Variants in KDM7A observed in about 807,000 individuals in gnomAD.
KDM7A encodes lysine-specific demethylase 7A.
Under a neutral mutation model 114.8 loss-of-function variants are expected in KDM7A, and 28 were observed. The ratio of observed to expected loss-of-function variants is 0.24; its 90% confidence interval spans 0.18 to 0.33. The LOEUF is 0.33. Ranked by LOEUF, KDM7A falls within the 10% of genes least tolerant of loss-of-function variation. The pLI is 1.00. For synonymous variants in KDM7A, 423 were observed against 397.8 expected (o/e 1.06, Z -0.75); for missense variants, 942 against 1,142.5 (o/e 0.82, Z 2.53).
chr7:140,147,379 A>AT (rs1288296449), intron 1 of KDM7A, among the ~76,000 whole-genome samples: 2 of 152,200 alleles, frequency 1.3e-5, no homozygotes, highest in East Asian at 1.9e-4. Flanking sequence ...TTTTTAAAGA[A>AT]TTTTCTTAAA....
chr7:140,164,860 G>A lies in KDM7A; in HGVS notation c.194+11884C>T, dbSNP rs73469868. Among the ~76,000 whole-genome samples the A allele has an allele frequency of 4.4e-3, 674 of 152,232 alleles. 5 individuals are homozygous for A. The highest frequency in any genetic ancestry group is 0.015 in the African/African-American group (619 of 41,526). On this transcript the variant is annotated intron_variant, in intron 1 of 19. Transcript: ENST00000397560. ...TCACTGAAGCAGGCTTATTGAACCT[G>A]GAAGCACAGGATACTATTCGGTCTA... is the stretch of plus-strand genomic sequence containing the variant.
intron 1 of KDM7A, among the ~76,000 whole-genome samples, chr7:140,155,406 A>G (rs983451053): frequency 6.6e-6 from 1 of 152,190 alleles, no homozygotes; most frequent in Non-Finnish European, 1.5e-5. Flanking sequence ...ATCTAGCACC[A>G]CAAGCACTCT....
intron 11 of KDM7A, among the ~76,000 whole-genome samples, chr7:140,105,338 G>A (rs748158113): frequency 1.2e-3 from 177 of 152,168 alleles, no homozygotes; most frequent in Non-Finnish European, 3.7e-4. Context: ...GAATAGGAGT[G>A]GTGAGAGAGG....
intron 11 of KDM7A, among the ~76,000 whole-genome samples, chr7:140,110,808 T>C (rs1818418163): frequency 6.6e-6 from 1 of 152,242 alleles, no homozygotes; most frequent in Non-Finnish European, 1.5e-5. Flanking sequence ...AAATTAACTG[T>C]ATCTGAAAGT....
rs1002097568 is a variant in KDM7A at position 140,086,629 on chromosome 7, C to G, written c.*4465G>C. On this transcript the variant is annotated 3_prime_UTR_variant, in exon 20 of 20. Coordinates refer to ENST00000397560, the MANE Select transcript of KDM7A (RefSeq NM_030647.2). ...ATTAATTCTTCCCCTTTCTTTCCAC[C>G]TGGTTTCAAGGAAGCACATGAACAT... 6.6e-6 allele frequency: 1 copy of G among 152,088 alleles called. No individual in the cohort carries two copies. The highest frequency in any genetic ancestry group is 2.4e-5 in the African/African-American group (1 of 41,414). The allele number at this position is 152,088 out of a possible 1,614,324, so 9.4% of individuals were successfully genotyped here. A position where few individuals can be genotyped will look rare whatever the true frequency, so the allele number is the denominator to read the frequency against.
chr7:140,101,501 G>A (rs1223045493), intron 12 of KDM7A, among the ~76,000 whole-genome samples: 2 of 152,110 alleles, frequency 1.3e-5, no homozygotes, highest in Non-Finnish European at 2.9e-5. Context: ...CTTAGCTAAA[G>A]CAGCCAGCTT....
At chr7:140,092,205 A>G (rs1167961211) in intron 18 of KDM7A, 128 bp from the exon 19 acceptor site, 7 of 856,772 alleles carry the variant, frequency 8.2e-6, no homozygotes, top group South Asian at 6.8e-5. Context: ...CTTAACATCT[A>G]TTAGCCACGG....
rs1818114403 is a variant in KDM7A at position 140,096,611 on chromosome 7, T to A, written c.2318A>T (p.His773Leu). ...RNSLQDPSSC[H>L]GSNHEVRQLY... ...CTGCCTAACCTCATGGTTACTGCCATGGCAGCTGCTGGGATCCTGGAGAGA... is the reference window on the plus strand; with the variant it reads ...CTGCCTAACCTCATGGTTACTGCCAAGGCAGCTGCTGGGATCCTGGAGAGA... The change falls in exon 17 of 20, where the codon CAT (histidine) becomes CTT (leucine). Residue 773 changes from histidine (H) to leucine (L), a missense_variant. Physicochemically the swap from His to Leu is moderately conservative, Grantham distance 99. Coordinates refer to ENST00000397560, the MANE Select transcript of KDM7A (RefSeq NM_030647.2). 1 of 1,614,106 alleles carries A rather than the reference T, an allele frequency of 6.2e-7. No individual in the cohort carries two copies. The highest frequency in any genetic ancestry group is 1.1e-5 in the South Asian group (1 of 91,090).
intron 1 of KDM7A, among the ~76,000 whole-genome samples, chr7:140,143,263 G>A (rs571955854): frequency 6.6e-6 from 1 of 151,352 alleles, no homozygotes; most frequent in South Asian, 2.1e-4. Context: ...GAAAGCCGAA[G>A]TATACTGTTT....
intron 1 of KDM7A, among the ~76,000 whole-genome samples, chr7:140,166,366 G>T (rs1794576293): frequency 1.4e-5 from 2 of 143,040 alleles, no homozygotes; most frequent in Non-Finnish European, 1.5e-5. Context: ...TTGAGGCAGG[G>T]TCTCACTGTG....
Position 140,101,977 on chromosome 7 carries a change from T to G in KDM7A, c.1612A>C (p.Arg538=), listed in dbSNP as rs1062277. 0.33 allele frequency: 527,829 copies of G among 1,610,734 alleles called. 88,608 individuals are homozygous for G. Among genetic ancestry groups the G allele is most frequent in the Middle Eastern group, 0.49 (2,944 of 6,052 alleles). The change falls in exon 12 of 20, where the codon AGA becomes CGA. Residue 538 remains arginine (R), a synonymous_variant. Coordinates refer to ENST00000397560, the MANE Select transcript of KDM7A (RefSeq NM_030647.2). ...TCTTCCCATGGACACATCTCTAATCTTTTGAGGACCTCCCTTGTGTGGAGC... is the reference window on the plus strand; with the variant it reads ...TCTTCCCATGGACACATCTCTAATCGTTTGAGGACCTCCCTTGTGTGGAGC... ...LELHTREVLK[R]LEMCPWEEDI... is the part of the protein sequence containing the mutation.
chr7:140,173,545 G>GTTA (rs1794669560), intron 1 of KDM7A, among the ~76,000 whole-genome samples: 3 of 152,100 alleles, frequency 2.0e-5, no homozygotes, highest in Admixed American at 1.3e-4. Flanking sequence ...TGATTCCTCA[G>GTTA]TTTAAAAAGT....
chr7:140,128,676 T>C (rs1289446692), intron 4 of KDM7A, among the ~76,000 whole-genome samples: 1 of 152,216 alleles, frequency 6.6e-6, no homozygotes, highest in Non-Finnish European at 1.5e-5. Flanking sequence ...CAATAATCAA[T>C]GAGAATTGTC....
At chr7:140,169,813 G>A (rs368681552) in intron 1 of KDM7A, among the ~76,000 whole-genome samples, 1 of 152,188 alleles carries the variant, frequency 6.6e-6, no homozygotes, top group African/African-American at 2.4e-5. Context: ...GAGCCACTGT[G>A]TCCAACCTAA....
At chr7:140,119,532 T>G (rs1562951467) in intron 8 of KDM7A, among the ~76,000 whole-genome samples, 2 of 152,222 alleles carry the variant, frequency 1.3e-5, no homozygotes, top group Non-Finnish European at 2.9e-5. Context: ...TAAAACTGTG[T>G]GTTTCAGAAA....
intron 2 of KDM7A, among the ~76,000 whole-genome samples, chr7:140,137,037 G>C (rs1028448343): frequency 2.6e-5 from 4 of 151,822 alleles, no homozygotes; most frequent in Admixed American, 1.3e-4. Flanking sequence ...CTTAATAGCA[G>C]AGGGAAAGGG....
rs747059460 is a variant in KDM7A at position 140,127,461 on chromosome 7, G to A, written c.682C>T (p.Leu228Phe). The A allele has an allele frequency of 3.1e-6, 5 of 1,613,140 alleles. No homozygotes were observed. Among genetic ancestry groups the A allele is most frequent in the Non-Finnish European group, 4.2e-6 (5 of 1,179,662 alleles). ...ACTCACTTTGTATCTGAAAATTCAA[G>A]GCTGATCACATTTAACACTTTTGGT... ...NRPKVLNVIS[L>F]EFSDTKMSEL... Residue 228 changes from leucine to phenylalanine, a missense_variant, in exon 5 of 20, where the codon CTT (leucine) becomes TTT (phenylalanine). Transcript: ENST00000397560.
At chr7:140,159,680 G>C (rs1324857699) in intron 1 of KDM7A, among the ~76,000 whole-genome samples, 1 of 152,166 alleles carries the variant, frequency 6.6e-6, no homozygotes, top group Non-Finnish European at 1.5e-5. Context: ...GAGGCTGTGG[G>C]CAGTTTCTCA....
chr7:140,124,590 T>C, intron 7 of KDM7A, 31 bp downstream of exon 7: 2 of 1,557,674 alleles, frequency 1.3e-6, no homozygotes, highest in Non-Finnish European at 1.7e-6. Flanking sequence ...CTATCAATCA[T>C]GTTGAGTAGG....
Sources: gnomAD v4.1 joint callset for allele counts (sites outside exome capture counted in the v4.1 genomes callset) on GRCh38, gnomAD v4.1.1 for gene constraint, MANE v1.5 for transcripts, NCBI Gene and HGNC (gene_info 2026-07-23, HGNC 2026-07-21) for gene names.